RNF207: variants seen among roughly 807,000 people sequenced by gnomAD.
RNF207 encodes OTTHUMG00000001089.
In RNF207, 72 loss-of-function variants were observed where a neutral mutation model predicts 79.0. The ratio of observed to expected loss-of-function variants is 0.91; its 90% CI spans 0.75 to 1.11. The LOEUF is 1.11. RNF207 is among the 50% of genes least tolerant of loss of function. The pLI, the probability that RNF207 is intolerant of heterozygous loss-of-function variation, is 0.00. For synonymous variants in RNF207, 348 were observed against 366.2 expected (o/e 0.95, Z 0.57); for missense variants, 936 against 855.8 (o/e 1.09, Z -1.17).
chr1:6,215,970 T>C (rs1668348637), intron 16 of RNF207, among the ~76,000 whole-genome samples: 1 of 152,214 alleles, frequency 6.6e-6, no homozygotes, highest in Non-Finnish European at 1.5e-5. Context: ...TGGTACTTCC[T>C]TGGAGGAGAT....
Position 6,211,954 on chromosome 1 carries a change from G to A in RNF207, c.1197G>A (p.Lys399=), listed in dbSNP as rs755185497. 2.6e-6 allele frequency: 4 copies of A among 1,564,480 alleles called. No homozygotes were observed. The highest frequency in any genetic ancestry group is 1.4e-5 in the African/African-American group (1 of 73,590). ...VGKMSGSPVQ[K]PTLHRSISTK... is the part of the protein sequence containing the mutation. ...AGATGTCGGGGTCACCCGTCCAAAA[G>A]CCCACGCTGCACCGGTCCATCAGCA... is the stretch of plus-strand genomic sequence containing the variant. The change falls in exon 13 of 18, where the codon AAG becomes AAA. Residue 399 remains lysine, a synonymous_variant. Coordinates refer to ENST00000377939, the MANE Select transcript of RNF207 (RefSeq NM_207396.3). This position sits in a 1 kb window ranked among gnomAD's most constrained non-coding sequence, Gnocchi z 4.2.
chr1:6,207,443 G>C lies in RNF207; in HGVS notation c.256G>C (p.Val86Leu). The C allele has an allele frequency of 6.4e-7, 1 of 1,569,790 alleles. No individual in the cohort carries two copies. Reference protein sequence around the residue: ...PPVDRLLQFLVDSSGDGVEAV... With the variant: ...PPVDRLLQFLLDSSGDGVEAV... The stretch of plus-strand genomic sequence containing the variant: ...GGTGGACCGGCTGCTGCAGTTCCTG[G>C]TGGACAGCTCAGGGGATGGCGTGGA... Residue 86 changes from valine (V) to leucine (L), a missense_variant, in exon 3 of 18, where the codon GTG becomes CTG. Val to Leu is a conservative substitution (Grantham distance 32). Transcript: ENST00000377939. The surrounding 1 kb of genome is among the most constrained non-coding windows in gnomAD (Gnocchi z 4.5).
In RNF207 at chr1:6,212,754, G is replaced by A. The variant is rs769136545; in HGVS notation, c.1534+21G>A. The A allele has an allele frequency of 5.6e-6, 9 of 1,602,944 alleles. No individual in the cohort carries two copies. Among genetic ancestry groups the A allele is most frequent in the African/African-American group, 2.7e-5 (2 of 74,474 alleles). On this transcript the variant is annotated intron_variant, in intron 15 of 17. Coordinates refer to ENST00000377939, the MANE Select transcript of RNF207 (RefSeq NM_207396.3). The stretch of plus-strand genomic sequence containing the variant: ...TGAAGGTTCCAGACAGTTGGCTGCC[G>A]AGTGAACCCTCTGTCCCTGAGCTAA...
rs750001431 is a variant in RNF207 at position 6,218,405 on chromosome 1, G to A, written c.1733+36G>A. ...TCTCTCCACTGGAGAGTGTGCACGC[G>A]ATGTGGCTTCTGAGGCCAACAGGAC... On this transcript the variant is annotated intron_variant, in intron 17 of 17. Transcript: ENST00000377939. 8.4e-5 allele frequency: 126 copies of A among 1,492,018 alleles called. 2 individuals carry two copies. The Admixed American group carries it at 9.5e-4, about 11-fold the overall frequency. 92.4% of individuals were successfully genotyped at this position (1,492,018 alleles called of 1,614,324 possible).
chr1:6,210,308 C>T lies in RNF207; in HGVS notation c.873+13C>T, dbSNP rs376517020. 989 of 1,613,452 alleles carry T rather than the reference C, an allele frequency of 6.1e-4. No homozygotes were observed. Among genetic ancestry groups the T allele is most frequent in the Non-Finnish European group, 8.1e-4 (956 of 1,179,708 alleles). On this transcript the variant is annotated intron_variant, in intron 9 of 17. Coordinates refer to ENST00000377939, the MANE Select transcript of RNF207 (RefSeq NM_207396.3). ...GCCCACCCTGCAGGTACAGGGAGCT[C>T]GGGGTGCGGGTGGGTCCCTCCTCCT... is the stretch of plus-strand genomic sequence containing the variant.
Position 6,211,240 on chromosome 1 carries a change from T to A in RNF207, c.1109+122T>A. ...GTGCCACCATTCCTTCCTCCGTCCTTAGCTCGCCACCCTCCCAGCAGGGTG... is the reference window on the plus strand; with the variant it reads ...GTGCCACCATTCCTTCCTCCGTCCTAAGCTCGCCACCCTCCCAGCAGGGTG... On this transcript the variant is annotated intron_variant, in intron 12 of 17. Coordinates refer to ENST00000377939, the MANE Select transcript of RNF207 (RefSeq NM_207396.3). This position sits in a 1 kb window ranked among gnomAD's most constrained non-coding sequence, Gnocchi z 4.2. 1.5e-6 allele frequency: 1 copy of A among 673,926 alleles called. No individual in the cohort carries two copies. The highest frequency in any genetic ancestry group is 2.5e-6 in the Non-Finnish European group (1 of 395,830). 41.7% of individuals were successfully genotyped at this position (673,926 alleles called of 1,614,324 possible).
In RNF207 at chr1:6,211,563, C is replaced by G. The variant is rs965627004; in HGVS notation, c.1110-304C>G. 4.6e-5 allele frequency among the ~76,000 whole-genome samples: 7 copies of G among 152,168 alleles called. No individual in the cohort carries two copies. The highest frequency in any genetic ancestry group is 1.7e-4 in the African/African-American group (7 of 41,432). ...GCCCCAAGACCAAGAGAGACTGGGC[C>G]CACACTTCCTCTGTCCAGCATAGAA... On this transcript the variant is annotated intron_variant, in intron 12 of 17. Coordinates refer to ENST00000377939, the MANE Select transcript of RNF207 (RefSeq NM_207396.3). This position sits in a 1 kb window ranked among gnomAD's most constrained non-coding sequence, Gnocchi z 4.2.
chr1:6,208,510 G>C (rs1417706551), intron 3 of RNF207: 2 of 206,480 alleles, frequency 9.7e-6, no homozygotes, highest in Non-Finnish European at 1.9e-5. Context: ...TTAGAGACAG[G>C]GTTTCGCCAT....
intron 3 of RNF207, chr1:6,208,629 C>T (rs1304635791): frequency 1.9e-6 from 1 of 517,676 alleles, no homozygotes; most frequent in South Asian, 2.6e-5. Flanking sequence ...TTTATAAAGG[C>T]AGTTTCTGCC....
In RNF207 at chr1:6,209,206, G is replaced by A. The variant is rs1017442750; in HGVS notation, c.551+10G>A. On this transcript the variant is annotated intron_variant, in intron 5 of 17. Transcript: ENST00000377939. ...TCCGCGACATGCAGAAGTGCGTACA[G>A]GGGACGCGAGGGGAGGGGGCTGGGG... 5.2e-6 allele frequency: 8 copies of A among 1,551,276 alleles called. No individual in the cohort carries two copies. Among genetic ancestry groups the A allele is most frequent in the Non-Finnish European group, 7.0e-6 (8 of 1,147,282 alleles).
At chr1:6,213,493 C>A (rs1380476982) in intron 16 of RNF207, among the ~76,000 whole-genome samples, 3 of 147,628 alleles carry the variant, frequency 2.0e-5, no homozygotes, top group African/African-American at 7.6e-5. Flanking sequence ...AAAAAAACTG[C>A]ATGGGAAAGG....
rs201966455 is a variant in RNF207 at position 6,211,037 on chromosome 1, G to A, written c.1028G>A (p.Arg343Gln). 60 of 1,609,566 alleles carry A rather than the reference G, an allele frequency of 3.7e-5. No individual in the cohort carries two copies. The East Asian group carries it at 4.7e-4, about 13-fold the overall frequency. ...IQSSKIASDH[R>Q]AEFARCLEPL... is the part of the protein sequence containing the mutation. ...GCTGCCCAGATTGCCAGTGACCACC[G>A]AGCTGAATTCGCGCGCTGTCTGGAG... is the stretch of plus-strand genomic sequence containing the variant. Residue 343 changes from arginine (R) to glutamine (Q), a missense_variant, in exon 12 of 18, where the codon CGA becomes CAA. Coordinates refer to ENST00000377939, the MANE Select transcript of RNF207 (RefSeq NM_207396.3). This position sits in a 1 kb window ranked among gnomAD's most constrained non-coding sequence, Gnocchi z 4.2.
At position 6,212,435 on chromosome 1, in the gene RNF207, C is replaced by G. The variant is rs1668215219; in HGVS notation, c.1482+19C>G. 2 of 1,592,364 alleles carry G rather than the reference C, an allele frequency of 1.3e-6. No homozygotes were observed. Among genetic ancestry groups the G allele is most frequent in the Non-Finnish European group, 1.7e-6 (2 of 1,169,018 alleles). The stretch of plus-strand genomic sequence containing the variant: ...CCAGGAGGTAGCCCTCCCAAGGACT[C>G]TAACTCCAGCCCCACCTGTCAGGGG... On this transcript the variant is annotated intron_variant, in intron 14 of 17. Coordinates refer to ENST00000377939, the MANE Select transcript of RNF207 (RefSeq NM_207396.3).
rs1314957868 is a variant in RNF207 at position 6,217,509 on chromosome 1, G to A, written c.1653-780G>A. ...GGCACCGCGAGTTCAGCAGTGGCCAGAATGCTTGACGTCCTCCCGCAGACA... is the reference window on the plus strand; with the variant it reads ...GGCACCGCGAGTTCAGCAGTGGCCAAAATGCTTGACGTCCTCCCGCAGACA... On this transcript the variant is annotated intron_variant, in intron 16 of 17. Transcript: ENST00000377939. The surrounding 1 kb of genome is among the most constrained non-coding windows in gnomAD (Gnocchi z 4.2). Among the ~76,000 whole-genome samples, 2 of 152,176 alleles carry A rather than the reference G, an allele frequency of 1.3e-5. No homozygotes were observed. Among genetic ancestry groups the A allele is most frequent in the African/African-American group, 4.8e-5 (2 of 41,440 alleles).
intron 13 of RNF207, 28 bp from the exon 14 acceptor site, chr1:6,212,203 C>T (rs1243309972): frequency 1.9e-6 from 3 of 1,597,994 alleles, no homozygotes; most frequent in Non-Finnish European, 2.6e-6. Context: ...TAGGGTGACC[C>T]ACGCTCTCAC....
chr1:6,210,886 T>C lies in RNF207; in HGVS notation c.959T>C (p.Leu320Pro). ...LDLGYELMER[L>P]QGIVTRPHHL... Reference sequence around the variant, plus strand: ...CTGCCACAGGAGCTGATGGAGAGGCTGCAGGGCATCGTCACGCGGCCGCAC... The same window carrying C: ...CTGCCACAGGAGCTGATGGAGAGGCCGCAGGGCATCGTCACGCGGCCGCAC... Residue 320 changes from leucine (L) to proline (P), a missense_variant, in exon 11 of 18, where the codon CTG becomes CCG. By Grantham distance (98) the Leu-to-Pro change is moderately conservative. Coordinates refer to ENST00000377939, the MANE Select transcript of RNF207 (RefSeq NM_207396.3). 1.2e-6 allele frequency: 2 copies of C among 1,603,028 alleles called. No homozygotes were observed. Among genetic ancestry groups the C allele is most frequent in the Non-Finnish European group, 8.5e-7 (1 of 1,176,008 alleles).
chr1:6,219,534 C>T lies in RNF207; in HGVS notation c.*127C>T. On this transcript the variant is annotated 3_prime_UTR_variant, in exon 18 of 18. Transcript: ENST00000377939. ...TTGAGATGGAGTTTCGCTCTGTTGC[C>T]CAGGCTGGAGTGTAATGGTGCAATC... is the stretch of plus-strand genomic sequence containing the variant. The T allele has an allele frequency of 1.5e-6, 1 of 673,930 alleles. No individual in the cohort carries two copies. The highest frequency in any genetic ancestry group is 2.4e-6 in the Non-Finnish European group (1 of 419,280). The allele number at this position is 673,930 out of a possible 1,614,324, so 41.7% of individuals were successfully genotyped here.
chr1:6,210,727 G>T, intron 10 of RNF207, 143 bp from the exon 11 acceptor site: 1 of 772,764 alleles, frequency 1.3e-6, no homozygotes, highest in Non-Finnish European at 2.2e-6. Flanking sequence ...GGGTTTGTCC[G>T]GGTGAGTCCC....
rs1000733566 is a variant in RNF207, at chr1:6,207,892, G to A, written c.324+381G>A. ...AAGCAGCTACAGCCCAGGGGAGGTG[G>A]GGACAGCATGCTGTTCCCTCTGGGC... On this transcript the variant is annotated intron_variant, in intron 3 of 17. Coordinates refer to ENST00000377939, the MANE Select transcript of RNF207 (RefSeq NM_207396.3). The surrounding 1 kb of genome is among the most constrained non-coding windows in gnomAD (Gnocchi z 4.5). The A allele has an allele frequency of 2.5e-6, 1 of 397,094 alleles. No individual in the cohort carries two copies. The highest frequency in any genetic ancestry group is 6.4e-5 in the East Asian group (1 of 15,676). The allele number at this position is 397,094 out of a possible 1,614,324, so 24.6% of individuals were successfully genotyped here.
Sources: allele counts gnomAD v4.1 joint callset (sites outside exome capture counted in the v4.1 genomes callset), GRCh38; gene constraint gnomAD v4.1.1; non-coding constraint Gnocchi (gnomAD v3.1); transcripts MANE v1.5; gene names NCBI Gene and HGNC (gene_info 2026-07-23, HGNC 2026-07-21).